ZNF583: variants seen among roughly 807,000 people sequenced by gnomAD.
ZNF583 encodes zinc finger protein 583, also known as zinc finger protein L3-5.
In ZNF583, 30 loss-of-function variants were observed where a neutral mutation model predicts 55.3. The observed-to-expected ratio is 0.54, with a 90% CI of 0.41 to 0.74. The LOEUF (loss-of-function observed/expected upper bound fraction) is 0.74, where lower values mean the gene tolerates loss of function less well. Ranked by LOEUF, ZNF583 falls within the 30% of genes least tolerant of loss-of-function variation. The pLI, the probability that ZNF583 is intolerant of heterozygous loss-of-function variation, is 0.00. For missense variants in ZNF583, 504 were observed against 664.7 expected, an observed-to-expected ratio of 0.76 and a Z score of 2.66; for synonymous variants, 208 against 220.0, an observed-to-expected ratio of 0.95 and a Z score of 0.48.
Position 56,414,432 on chromosome 19 carries a change from C to T in ZNF583, c.224C>T (p.Pro75Leu). Residue 75 changes from proline to leucine, a missense_variant, in exon 4 of 5, where the codon CCA becomes CTA. Coordinates refer to ENST00000333201, the MANE Select transcript of ZNF583 (RefSeq NM_152478.3). ...GTGAAGAAGGAGGGAACAAGAGGCC[C>T]ATGCCCTGGTGAGTGAGAGAGAAAT... ...WMVKKEGTRG[P>L]CPDWEYVFKN... The T allele has an allele frequency of 1.9e-6, 3 of 1,613,890 alleles. No individual in the cohort carries two copies. Among genetic ancestry groups the T allele is most frequent in the Non-Finnish European group, 2.5e-6 (3 of 1,179,870 alleles).
intron 2 of ZNF583, among the ~76,000 whole-genome samples, chr19:56,408,986 T>C (rs894100536): frequency 2.0e-5 from 3 of 148,732 alleles, no homozygotes; most frequent in East Asian, 3.9e-4. Context: ...TGCCCCCCCA[T>C]CCCCCTACAT....
chr19:56,420,305 G>A (rs1364933546), intron 4 of ZNF583, among the ~76,000 whole-genome samples: 2 of 152,064 alleles, frequency 1.3e-5, no homozygotes, highest in African/African-American at 4.8e-5. Context: ...CTTGGTTTCG[G>A]TACTTTGGGA....
intron 4 of ZNF583, among the ~76,000 whole-genome samples, chr19:56,419,660 A>G (rs1295952433): frequency 4.6e-5 from 7 of 152,234 alleles, no homozygotes; most frequent in Admixed American, 4.6e-4. Context: ...CAATGAAGAC[A>G]TCTGGGCCTG....
At chr19:56,406,596 G>C (rs1378924131) in intron 1 of ZNF583, among the ~76,000 whole-genome samples, 2 of 145,586 alleles carry the variant, frequency 1.4e-5, no homozygotes, top group Non-Finnish European at 3.0e-5. Context: ...GTGGTGGCGC[G>C]ATCTTGGCTC....
chr19:56,421,583 G>T, intron 4 of ZNF583: 3 of 812,588 alleles, frequency 3.7e-6, no homozygotes, highest in Non-Finnish European at 3.0e-6. Flanking sequence ...TAATATTTAA[G>T]TTTAGTGGTA....
chr19:56,423,426 G>T lies in ZNF583; in HGVS notation c.768G>T (p.Ala256=). The T allele has an allele frequency of 1.9e-6, 3 of 1,613,694 alleles. No individual in the cohort carries two copies. Among genetic ancestry groups the T allele is most frequent in the Non-Finnish European group, 2.5e-6 (3 of 1,179,896 alleles). Residue 256 remains alanine (A), a synonymous_variant, in exon 5 of 5, where the codon GCG becomes GCT. Coordinates refer to ENST00000333201, the MANE Select transcript of ZNF583 (RefSeq NM_152478.3). ...GKTFSQSANL[A]QHKRIHTGEK... is the part of the protein sequence containing the mutation. Reference sequence around the variant, plus strand: ...CGTTCAGCCAGAGTGCAAACTTGGCGCAACATAAGAGAATACATACTGGAG... The same window carrying T: ...CGTTCAGCCAGAGTGCAAACTTGGCTCAACATAAGAGAATACATACTGGAG...
chr19:56,413,952 A>C lies in ZNF583; in HGVS notation c.10-7A>C, dbSNP rs1375536897. 6.2e-6 allele frequency: 10 copies of C among 1,613,974 alleles called. No homozygotes were observed. Among genetic ancestry groups the C allele is most frequent in the Non-Finnish European group, 8.5e-6 (10 of 1,179,978 alleles). On this transcript the variant is annotated splice_region_variant and splice_polypyrimidine_tract_variant and intron_variant, in intron 2 of 4. Transcript: ENST00000333201. ...AGTTGAGCAAGAATGTGTTTATGTC[A>C]TTTCAGGATTTGGTGACATTTGGGG...
rs116796726 is a variant in ZNF583, at chr19:56,412,734, A to G, written c.10-1225A>G. Among the ~76,000 whole-genome samples, 830 of 152,310 alleles carry G rather than the reference A, an allele frequency of 5.4e-3. 5 individuals are homozygous for G. Among genetic ancestry groups the G allele is most frequent in the African/African-American group, 0.019 (778 of 41,566 alleles). On this transcript the variant is annotated intron_variant, in intron 2 of 4. Coordinates refer to ENST00000333201, the MANE Select transcript of ZNF583 (RefSeq NM_152478.3). Reference sequence around the variant, plus strand: ...TCCAATGAACATTTGTCCCATATTGAAGTAACTTTTATTGTACTTCTTTGA... The same window carrying G: ...TCCAATGAACATTTGTCCCATATTGGAGTAACTTTTATTGTACTTCTTTGA...
At chr19:56,413,309 T>C (rs2042266304) in intron 2 of ZNF583, among the ~76,000 whole-genome samples, 1 of 152,250 alleles carries the variant, frequency 6.6e-6, no homozygotes, top group Non-Finnish European at 1.5e-5. Context: ...TGGCATACTT[T>C]CACACATCAG....
chr19:56,407,255 T>C, intron 2 of ZNF583, 132 bp downstream of exon 2: 3 of 1,042,060 alleles, frequency 2.9e-6, no homozygotes, highest in Non-Finnish European at 2.9e-6. Flanking sequence ...TCCTCATATC[T>C]TGCTTTCCAG....
At position 56,424,252 on chromosome 19, in the gene ZNF583, C is replaced by T. The variant is rs769146153; in HGVS notation, c.1594C>T (p.Arg532Cys). Residue 532 changes from arginine (R) to cysteine (C), a missense_variant, in exon 5 of 5, where the codon CGT (arginine) becomes TGT (cysteine). Around this residue, in one of 3 missense-constraint regions of ZNF583, gnomAD observed 63 missense variants for 56.5 expected, o/e 1.11. Coordinates refer to ENST00000333201, the MANE Select transcript of ZNF583 (RefSeq NM_152478.3). ...CKDCRKSFRQRAHLAHHERIH... is the reference protein window; with the variant it reads ...CKDCRKSFRQCAHLAHHERIH... The stretch of plus-strand genomic sequence containing the variant: ...AGATTGCAGGAAATCTTTCAGGCAG[C>T]GTGCACATCTTGCTCATCATGAGAG... 3.1e-6 allele frequency: 5 copies of T among 1,613,884 alleles called. No individual in the cohort carries two copies. Among genetic ancestry groups the T allele is most frequent in the East Asian group, 2.2e-5 (1 of 44,860 alleles).
intron 4 of ZNF583, among the ~76,000 whole-genome samples, chr19:56,420,738 A>G (rs1187392554): frequency 2.0e-5 from 3 of 152,106 alleles, no homozygotes; most frequent in Non-Finnish European, 2.9e-5. Context: ...TACTGTTTGC[A>G]TGTTACATCT....
intron 2 of ZNF583, among the ~76,000 whole-genome samples, chr19:56,412,748 G>A (rs1017294354): frequency 6.6e-6 from 1 of 151,956 alleles, no homozygotes; most frequent in Non-Finnish European, 1.5e-5. Flanking sequence ...AACTTTTATT[G>A]TACTTCTTTG....
At chr19:56,415,336 G>C (rs79224671) in intron 4 of ZNF583, among the ~76,000 whole-genome samples, 2,567 of 152,034 alleles carry the variant, frequency 0.017, 82 homozygotes, top group African/African-American at 0.057. Flanking sequence ...GACATAAGAG[G>C]GTTATATATA....
chr19:56,427,193 T>G lies in ZNF583; in HGVS notation c.*2825T>G, dbSNP rs368592682. On this transcript the variant is annotated 3_prime_UTR_variant, in exon 5 of 5. Coordinates refer to ENST00000333201, the MANE Select transcript of ZNF583 (RefSeq NM_152478.3). ...TTGAAGCCTTTGTATGTGAAAGTTA[T>G]GTCAGTAGCCCTTGCCAAAAGCCTC... The G allele has an allele frequency of 6.6e-6, 1 of 152,186 alleles. No individual in the cohort carries two copies. Among genetic ancestry groups the G allele is most frequent in the South Asian group, 2.1e-4 (1 of 4,826 alleles). 9.4% of individuals were successfully genotyped at this position (152,186 alleles called of 1,614,324 possible). A position where few individuals can be genotyped will look rare whatever the true frequency, so the allele number is the denominator to read the frequency against.
At chr19:56,419,324 T>C (rs950370915) in intron 4 of ZNF583, among the ~76,000 whole-genome samples, 6 of 151,430 alleles carry the variant, frequency 4.0e-5, no homozygotes, top group African/African-American at 1.5e-4. Context: ...GCCTCCCGAG[T>C]AGCTAGGACT....
chr19:56,416,678 T>C (rs1009643135), intron 4 of ZNF583, among the ~76,000 whole-genome samples: 4 of 150,710 alleles, frequency 2.7e-5, no homozygotes, highest in African/African-American at 7.3e-5. Flanking sequence ...ATAATCTACC[T>C]TAAACATTTT....
chr19:56,419,527 G>A (rs1462844274), intron 4 of ZNF583, among the ~76,000 whole-genome samples: 1 of 152,054 alleles, frequency 6.6e-6, no homozygotes, highest in African/African-American at 2.4e-5. Flanking sequence ...TTTTTATCTG[G>A]TTTTGGTATC....
intron 4 of ZNF583, among the ~76,000 whole-genome samples, chr19:56,416,402 T>C (rs2042323436): frequency 6.6e-6 from 1 of 151,992 alleles, no homozygotes; most frequent in Non-Finnish European, 1.5e-5. Flanking sequence ...AACTAGCTTA[T>C]GGATTTATGT....
Sources: allele counts gnomAD v4.1 joint callset (sites outside exome capture counted in the v4.1 genomes callset), GRCh38; gene constraint gnomAD v4.1.1; regional missense constraint gnomAD v4.1.1; transcripts MANE v1.5; gene names NCBI Gene and HGNC (gene_info 2026-07-23, HGNC 2026-07-21).